FOXO1: variants seen among roughly 807,000 people sequenced by gnomAD.
The protein encoded by FOXO1 is forkhead box O1.
A neutral mutation model predicts 44.1 loss-of-function variants in FOXO1; 6 were observed. That is an observed-to-expected ratio of 0.14 (90% CI 0.07 to 0.27). FOXO1 has a LOEUF of 0.27. FOXO1 is among the 10% of genes least tolerant of loss of function. The pLI, the probability that FOXO1 is intolerant of heterozygous loss-of-function variation, is 1.00. For missense variants in FOXO1, 737 were observed against 888.8 expected, an observed-to-expected ratio of 0.83 and a Z score of 2.17; for synonymous variants, 380 against 362.7, an observed-to-expected ratio of 1.05 and a Z score of -0.54.
rs1877467296 is a variant in FOXO1 at position 40,645,049 on chromosome 13, GAC to G, written c.630+20532_630+20533del. On this transcript the variant is annotated intron_variant, in intron 1 of 2. Coordinates refer to ENST00000379561, the MANE Select transcript of FOXO1 (RefSeq NM_002015.4). ...ATTTAGCTCAATGACAACAGCTGGT[GAC>G]ATGCACATCTAGAATACTGAAATGG... Among the ~76,000 whole-genome samples, 3 of 152,322 alleles carry G rather than the reference GAC, an allele frequency of 2.0e-5. No homozygotes were observed. The South Asian group carries it at 6.2e-4, about 32-fold the overall frequency.
At chr13:40,661,339 G>C (rs1878030759) in intron 1 of FOXO1, among the ~76,000 whole-genome samples, 1 of 151,706 alleles carries the variant, frequency 6.6e-6, no homozygotes, top group Non-Finnish European at 1.5e-5. Context: ...TCAGTGACGT[G>C]ATCTCGGCTC....
intron 1 of FOXO1, among the ~76,000 whole-genome samples, chr13:40,654,773 G>A (rs1354118870): frequency 4.0e-5 from 6 of 151,884 alleles, no homozygotes; most frequent in Non-Finnish European, 8.8e-5. Context: ...ACACTTTAGA[G>A]GTGGTACTGG....
At chr13:40,620,321 C>A in intron 1 of FOXO1, 2 of 874,918 alleles carry the variant, frequency 2.3e-6, no homozygotes, top group Non-Finnish European at 3.8e-6. Flanking sequence ...AACATACAGT[C>A]ACTATTCAAA....
At chr13:40,609,290 C>T (rs1876139604) in intron 1 of FOXO1, among the ~76,000 whole-genome samples, 1 of 152,058 alleles carries the variant, frequency 6.6e-6, no homozygotes, top group South Asian at 2.1e-4. Context: ...CTTCTGCTTG[C>T]CATGACAAGG....
chr13:40,573,692 C>G (rs1462887668), intron 1 of FOXO1, among the ~76,000 whole-genome samples: 2 of 152,084 alleles, frequency 1.3e-5, no homozygotes, highest in South Asian at 2.1e-4. Flanking sequence ...AAGACCAAAA[C>G]AAAAGAAAAC....
At chr13:40,637,995 AG>A (rs1877217378) in intron 1 of FOXO1, among the ~76,000 whole-genome samples, 1 of 152,246 alleles carries the variant, frequency 6.6e-6, no homozygotes, top group East Asian at 1.9e-4. Context: ...TGCAAGCTGT[AG>A]TACACATTTT....
chr13:40,652,409 T>C (rs1877715424), intron 1 of FOXO1, among the ~76,000 whole-genome samples: 1 of 152,066 alleles, frequency 6.6e-6, no homozygotes, highest in Non-Finnish European at 1.5e-5. Flanking sequence ...GGCTAATTTT[T>C]GCATTTTTAG....
At chr13:40,634,768 C>T (rs560994575) in intron 1 of FOXO1, among the ~76,000 whole-genome samples, 39 of 152,290 alleles carry the variant, frequency 2.6e-4, no homozygotes, top group Admixed American at 5.9e-4. Context: ...CAACCTCCAC[C>T]TCCTGGGCTC....
chr13:40,666,282 G>A lies in FOXO1; in HGVS notation c.-70C>T, dbSNP rs1045034232. The A allele has an allele frequency of 1.9e-5, 24 of 1,262,628 alleles. No individual in the cohort carries two copies. Among genetic ancestry groups the A allele is most frequent in the Non-Finnish European group, 2.1e-5 (21 of 987,674 alleles). The allele number at this position is 1,262,628 out of a possible 1,614,324, so 78.2% of individuals were successfully genotyped here. On this transcript the variant is annotated 5_prime_UTR_variant, in exon 1 of 3. Transcript: ENST00000379561. ...GAGAACGCAGCACTGGGGGCGGACG[G>A]GGAGGGGGCGCGAAGGGACGGTCCG...
chr13:40,590,903 C>T (rs2137864866), intron 1 of FOXO1, among the ~76,000 whole-genome samples: 1 of 152,254 alleles, frequency 6.6e-6, no homozygotes, highest in South Asian at 2.1e-4. Flanking sequence ...ACGAGCTGGC[C>T]ATCAAAATCC....
At chr13:40,579,977 T>C (rs1467234497) in intron 1 of FOXO1, among the ~76,000 whole-genome samples, 1 of 152,222 alleles carries the variant, frequency 6.6e-6, no homozygotes, top group African/African-American at 2.4e-5. Flanking sequence ...GAGCTCTGTA[T>C]GGTCAATTAC....
At chr13:40,571,404 C>T (rs1874489682) in intron 1 of FOXO1, among the ~76,000 whole-genome samples, 1 of 152,120 alleles carries the variant, frequency 6.6e-6, no homozygotes, top group Non-Finnish European at 1.5e-5. Flanking sequence ...GATCTGTAGG[C>T]TACCAAGGAT....
Position 40,557,119 on chromosome 13 carries a change from T to C in FOXO1, c.*1930A>G, listed in dbSNP as rs1873784674. 6.6e-6 allele frequency: 1 copy of C among 152,180 alleles called. No homozygotes were observed. The highest frequency in any genetic ancestry group is 2.1e-4 in the South Asian group (1 of 4,828). 9.4% of individuals were successfully genotyped at this position (152,180 alleles called of 1,614,324 possible). On this transcript the variant is annotated 3_prime_UTR_variant, in exon 3 of 3. Transcript: ENST00000379561. ...GGAACACTTGTGTTCTTGTTAAACA[T>C]TTAGGAAATACCAAGCCAATGAAGA...
In FOXO1 at chr13:40,560,762, A is replaced by G; in HGVS notation, c.729T>C (p.Gly243=). ...KSSWWMLNPE[G]GKSGKSPRRR... ...TCCTAGGAGATTTCCCGCTCTTGCC[A>G]CCCTCTGGATTGAGCATCCACCAAG... Residue 243 remains glycine (G), a synonymous_variant, in exon 2 of 3, where the codon GGT becomes GGC. Transcript: ENST00000379561. The surrounding 1 kb of genome is among the most constrained non-coding windows in gnomAD (Gnocchi z 5.1). 1.2e-6 allele frequency: 2 copies of G among 1,614,050 alleles called. No individual in the cohort carries two copies. Among genetic ancestry groups the G allele is most frequent in the Non-Finnish European group, 1.7e-6 (2 of 1,179,994 alleles).
At chr13:40,619,479 T>C in intron 1 of FOXO1, 7 of 1,292,008 alleles carry the variant, frequency 5.4e-6, no homozygotes, top group Non-Finnish European at 7.8e-6. Flanking sequence ...ACTCGAACAG[T>C]GGAGAGTTTC....
At chr13:40,566,380 T>C (rs1874269403) in intron 1 of FOXO1, among the ~76,000 whole-genome samples, 1 of 100,658 alleles carries the variant, frequency 9.9e-6, no homozygotes, top group African/African-American at 3.6e-5. Flanking sequence ...TTGACTTTCA[T>C]TTTTTTTTTT....
intron 1 of FOXO1, chr13:40,620,429 C>T (rs1876570483): frequency 4.6e-6 from 3 of 655,412 alleles, no homozygotes; most frequent in Non-Finnish European, 8.2e-6. Flanking sequence ...TTTCTGAGAA[C>T]GAGCTTGTTG....
rs775906686 is a variant in FOXO1, at chr13:40,559,712, G to A, written c.1779C>T (p.Leu593=). 3.1e-6 allele frequency: 5 copies of A among 1,613,976 alleles called. No individual in the cohort carries two copies. The African/African-American group carries it at 4.0e-5, about 13-fold the overall frequency. The change falls in exon 2 of 3, where the codon CTC becomes CTT. Residue 593 remains leucine, a synonymous_variant. Coordinates refer to ENST00000379561, the MANE Select transcript of FOXO1 (RefSeq NM_002015.4). ...SCNGYGRMGL[L]HQEKLPSDLD... is the part of the protein sequence containing the mutation. Reference sequence around the variant, plus strand: ...AGTCACTTGGGAGCTTCTCCTGGTGGAGAAGGCCCATTCTGCCATAGCCAT... The same window carrying A: ...AGTCACTTGGGAGCTTCTCCTGGTGAAGAAGGCCCATTCTGCCATAGCCAT...
chr13:40,578,146 G>A (rs1171221227), intron 1 of FOXO1, among the ~76,000 whole-genome samples: 6 of 152,146 alleles, frequency 3.9e-5, no homozygotes, highest in African/African-American at 1.2e-4. Context: ...GCAGTGGAGC[G>A]GGGGTTGATG....
Sources: allele counts gnomAD v4.1 joint callset (sites outside exome capture counted in the v4.1 genomes callset), GRCh38; gene constraint gnomAD v4.1.1; non-coding constraint Gnocchi (gnomAD v3.1); transcripts MANE v1.5; gene names NCBI Gene and HGNC (gene_info 2026-07-23, HGNC 2026-07-21).